CCL25: variants seen among roughly 807,000 people sequenced by gnomAD.
CCL25 encodes C-C motif chemokine ligand 25, also known as C-C motif chemokine 25.
A neutral mutation model predicts 19.9 loss-of-function variants in CCL25; 14 were observed. The observed-to-expected ratio is 0.70, with a 90% CI of 0.47 to 1.10. The LOEUF is 1.10. CCL25 is among the 50% of genes least tolerant of loss of function. The pLI is 0.00. For synonymous variants in CCL25, 68 were observed against 73.2 expected, an observed-to-expected ratio of 0.93 and a Z score of 0.36; for missense variants, 151 against 181.2, an observed-to-expected ratio of 0.83 and a Z score of 0.96.
chr19:8,052,552 G>T (rs1360210987), upstream of CCL25, among the ~76,000 whole-genome samples: 1 of 151,876 alleles, frequency 6.6e-6, no homozygotes, highest in Non-Finnish European at 1.5e-5. Flanking sequence ...GCCCTTTCTG[G>T]AGACAGTAGG....
At chr19:8,055,482 C>CGG (rs893209752) in intron 2 of CCL25, among the ~76,000 whole-genome samples, 11 of 151,238 alleles carry the variant, frequency 7.3e-5, no homozygotes, top group African/African-American at 2.7e-4. Context: ...ACTCCAGGCG[C>CGG]CCACCACCAC....
intron 5 of CCL25, among the ~76,000 whole-genome samples, chr19:8,059,144 AATATATAATATATATAATATATAAT>A (rs1477900149): frequency 1.5e-4 from 7 of 45,722 alleles, no homozygotes; most frequent in Admixed American, 7.5e-4. Context: ...TATATTATAT[AATATATAATATATATAATATATAAT>A]ATATATAATA....
At chr19:8,056,298 T>A (rs781578679) in intron 3 of CCL25, 29 bp downstream of exon 3, 11 of 426,036 alleles carry the variant, frequency 2.6e-5, no homozygotes, top group Non-Finnish European at 5.0e-5. Flanking sequence ...GCTGGGGGGG[T>A]GGGGTGCACA....
At position 8,056,298 on chromosome 19, in the gene CCL25, T is replaced by C. The variant is rs781578679; in HGVS notation, c.191+29T>C. On this transcript the variant is annotated intron_variant, in intron 3 of 5. Transcript: ENST00000315626. ...AGTGGGGCCGTGGGGGCTGGGGGGG[T>C]GGGGTGCACACACAGCCTTGCTGCC... 4 of 426,032 alleles carry C rather than the reference T, an allele frequency of 9.4e-6. No individual in the cohort carries two copies. In the African/African-American group the frequency reaches 9.9e-5, roughly 11 times the overall value. The allele number at this position is 426,032 out of a possible 1,614,324, so 26.4% of individuals were successfully genotyped here.
chr19:8,057,649 C>G (rs759672981), intron 4 of CCL25, 152 bp from the exon 5 acceptor site: 1 of 1,271,774 alleles, frequency 7.9e-7, no homozygotes, highest in Non-Finnish European at 1.0e-6. Flanking sequence ...CTCTTTTAAT[C>G]AGGACACTTT....
At chr19:8,054,170 G>A (rs2081252237) in intron 2 of CCL25, among the ~76,000 whole-genome samples, 1 of 152,200 alleles carries the variant, frequency 6.6e-6, no homozygotes, top group Admixed American at 6.5e-5. Context: ...TCCCTGGCTG[G>A]GCGGCAGACC....
rs568790594 is a variant in CCL25 at position 8,056,254 on chromosome 19, A to G, written c.176A>G (p.Asn59Ser). The G allele has an allele frequency of 1.2e-4, 180 of 1,451,346 alleles. No individual in the cohort carries two copies. In the South Asian group the frequency reaches 1.9e-3, roughly 15 times the overall value. The allele number at this position is 1,451,346 out of a possible 1,614,324, so 89.9% of individuals were successfully genotyped here. A position where few individuals can be genotyped will look rare whatever the true frequency, so the allele number is the denominator to read the frequency against. The change falls in exon 3 of 6, where the codon AAT becomes AGT. Residue 59 changes from asparagine (N) to serine (S), a missense_variant. Transcript: ENST00000315626. ...ATCCAGGAGGTGAGCGGGAGCTGCA[A>G]TCTGCCTGCTGCGATGTGAGTGGGG... is the stretch of plus-strand genomic sequence containing the variant. ...YRIQEVSGSC[N>S]LPAAIFYLPK...
intron 5 of CCL25, among the ~76,000 whole-genome samples, chr19:8,059,550 C>T (rs1048596861): frequency 2.0e-5 from 3 of 152,020 alleles, no homozygotes; most frequent in Non-Finnish European, 4.4e-5. Flanking sequence ...AGGACTCAGT[C>T]CCACAAGACT....
chr19:8,054,569 A>C (rs1431130213), intron 2 of CCL25, among the ~76,000 whole-genome samples: 3 of 151,970 alleles, frequency 2.0e-5, no homozygotes, highest in Non-Finnish European at 4.4e-5. Context: ...TTAGGCAGAG[A>C]ATTGCACCCC....
intron 2 of CCL25, among the ~76,000 whole-genome samples, chr19:8,055,008 C>T (rs1453784517): frequency 1.3e-5 from 2 of 150,700 alleles, no homozygotes; most frequent in African/African-American, 2.4e-5. Flanking sequence ...CGCCCACTAT[C>T]AGCCAGGCAC....
intron 4 of CCL25, among the ~76,000 whole-genome samples, chr19:8,057,406 T>G (rs1431497969): frequency 6.6e-6 from 1 of 152,082 alleles, no homozygotes; most frequent in African/African-American, 2.4e-5. Context: ...CACATCTCAC[T>G]GCAGCCTTGT....
At chr19:8,059,673 A>G (rs1456917655) in intron 5 of CCL25, among the ~76,000 whole-genome samples, 1 of 152,198 alleles carries the variant, frequency 6.6e-6, no homozygotes, top group Non-Finnish European at 1.5e-5. Flanking sequence ...AACAGCTCAC[A>G]GGACTCATGG....
chr19:8,054,719 G>A (rs762912226), intron 2 of CCL25, among the ~76,000 whole-genome samples: 9 of 151,064 alleles, frequency 6.0e-5, no homozygotes, highest in South Asian at 2.1e-4. Flanking sequence ...GCAGAGATCA[G>A]TTTCCCGGGA....
chr19:8,057,487 G>T (rs1020272632), intron 4 of CCL25, among the ~76,000 whole-genome samples: 3 of 152,062 alleles, frequency 2.0e-5, no homozygotes, highest in African/African-American at 7.2e-5. Context: ...ACACCACCAT[G>T]CCTGGGTAAT....
At chr19:8,058,301 CAT>C (rs1008446441) in intron 5 of CCL25, among the ~76,000 whole-genome samples, 10 of 121,816 alleles carry the variant, frequency 8.2e-5, no homozygotes, top group African/African-American at 2.0e-4. Flanking sequence ...AATATATAAA[CAT>C]ATATAATATA....
chr19:8,062,171 T>C (rs376880169), intron 5 of CCL25, 47 bp from the exon 6 acceptor site: 134 of 1,606,654 alleles, frequency 8.3e-5, no homozygotes, highest in Non-Finnish European at 1.1e-4. Flanking sequence ...GTTACTATTA[T>C]TTTACAGCCG....
chr19:8,058,349 ATATAAG>A (rs2081288004), intron 5 of CCL25, among the ~76,000 whole-genome samples: 1 of 129,834 alleles, frequency 7.7e-6, no homozygotes. Flanking sequence ...TATATAATAT[ATATAAG>A]TAAATATATA....
At chr19:8,055,624 G>A (rs8113590) in intron 2 of CCL25, among the ~76,000 whole-genome samples, 31,896 of 151,482 alleles carry the variant, frequency 0.21, 4,043 homozygotes, top group South Asian at 0.36. Flanking sequence ...ATGAGCCACC[G>A]CGCCCGGCCT....
intron 5 of CCL25, among the ~76,000 whole-genome samples, chr19:8,060,805 G>A (rs1398687661): frequency 1.1e-4 from 16 of 151,088 alleles, no homozygotes; most frequent in Non-Finnish European, 1.2e-4. Context: ...CTCAGCCTCT[G>A]GAGTAGCTGG....
Sources: gnomAD v4.1 joint callset for allele counts (sites outside exome capture counted in the v4.1 genomes callset) on GRCh38, gnomAD v4.1.1 for gene constraint, MANE v1.5 for transcripts, NCBI Gene and HGNC (gene_info 2026-07-23, HGNC 2026-07-21) for gene names.